TDRD9: variants seen among roughly 807,000 people sequenced by gnomAD.
The protein encoded by TDRD9 is tudor domain containing 9, also known as ATP-dependent RNA helicase TDRD9.
In TDRD9, 124 loss-of-function variants were observed where a neutral mutation model predicts 172.6. The ratio of observed to expected loss-of-function variants is 0.72; its 90% CI spans 0.62 to 0.83. The LOEUF is 0.83. TDRD9 is among the 40% of genes least tolerant of loss of function. The probability of loss-of-function intolerance (pLI) is 0.00; values close to 1 mark genes in which losing one functional copy is unlikely to be tolerated. For missense variants in TDRD9, 1,479 were observed against 1,714.1 expected (o/e 0.86, Z 2.42); for synonymous variants, 619 against 617.1 (o/e 1.00, Z -0.05).
chr14:104,007,190 C>A lies in TDRD9; in HGVS notation c.2038C>A (p.Leu680Met), dbSNP rs929833014. Residue 680 changes from leucine to methionine, a missense_variant, in exon 19 of 36, where the codon CTG (leucine) becomes ATG (methionine). Leu to Met is a conservative substitution (Grantham distance 15). This residue lies in a region of TDRD9 where 1,413 missense variants were observed against 1,649.1 expected (regional missense o/e 0.86). Transcript: ENST00000409874. The part of the protein sequence containing the change: ...TWKACRQTGE[L>M]RYPKDELNWG... ...GAAGGCTTGCAGACAGACAGGGGAG[C>A]TGCGGTACCCGAAGGTTGGTGAGCC... 1.9e-6 allele frequency: 3 copies of A among 1,613,786 alleles called. No individual in the cohort carries two copies. The highest frequency in any genetic ancestry group is 2.5e-6 in the Non-Finnish European group (3 of 1,179,846).
At chr14:103,993,451 TTCCAGGAC>T (rs1259456266) in intron 9 of TDRD9, among the ~76,000 whole-genome samples, 1 of 152,250 alleles carries the variant, frequency 6.6e-6, no homozygotes, top group Non-Finnish European at 1.5e-5. Context: ...TATAGTAGTT[TTCCAGGAC>T]TGCTGTAACA....
Position 104,008,070 on chromosome 14 carries a change from C to T in TDRD9, c.2053-343C>T, listed in dbSNP as rs1315394416. On this transcript the variant is annotated intron_variant, in intron 19 of 35. Transcript: ENST00000409874. ...GTGGGATTACAGGCGTGAACCACCG[C>T]GCCTGGCTTAAAGTCTTTTAAAGGC... 5.3e-5 allele frequency among the ~76,000 whole-genome samples: 8 copies of T among 152,090 alleles called. No individual in the cohort carries two copies. The South Asian group carries it at 6.2e-4, about 12-fold the overall frequency.
In TDRD9 at chr14:103,994,612, A is replaced by C; in HGVS notation, c.1320+9A>C. On this transcript the variant is annotated intron_variant, in intron 11 of 35. Coordinates refer to ENST00000409874, the MANE Select transcript of TDRD9 (RefSeq NM_153046.3). ...TCCCTGGGTACAGAAAGGTAGGAAAACTGGGAAGACAAGTTCTAAGCACTT... is the reference window on the plus strand; with the variant it reads ...TCCCTGGGTACAGAAAGGTAGGAAACCTGGGAAGACAAGTTCTAAGCACTT... The C allele has an allele frequency of 3.1e-6, 5 of 1,608,696 alleles. No homozygotes were observed. The highest frequency in any genetic ancestry group is 4.2e-6 in the Non-Finnish European group (5 of 1,176,538).
intron 2 of TDRD9, among the ~76,000 whole-genome samples, chr14:103,958,552 G>C (rs2032354362): frequency 1.3e-5 from 2 of 152,176 alleles, no homozygotes; most frequent in African/African-American, 4.8e-5. Context: ...TTCCAGGTGG[G>C]CCTAATGTCA....
At chr14:103,959,455 C>CGT (rs151216232) in intron 2 of TDRD9, among the ~76,000 whole-genome samples, 9,796 of 143,826 alleles carry the variant, frequency 0.068, 418 homozygotes, top group Middle Eastern at 0.13. Flanking sequence ...GTCAGGTTAT[C>CGT]GTGTGTGTGT....
At chr14:103,994,192 A>G in intron 9 of TDRD9, 140 bp from the exon 10 acceptor site, 1 of 718,400 alleles carries the variant, frequency 1.4e-6, no homozygotes. Context: ...TGTTTCTGGC[A>G]TATTTAGGCA....
intron 2 of TDRD9, among the ~76,000 whole-genome samples, chr14:103,959,455 C>CGTGTGTGTGTGTGTGTGTGT (rs151216232): frequency 1.4e-4 from 20 of 144,086 alleles, no homozygotes; most frequent in African/African-American, 3.4e-4. Context: ...GTCAGGTTAT[C>CGTGTGTGTGTGTGTGTGTGT]GTGTGTGTGT....
intron 19 of TDRD9, 79 bp downstream of exon 19, chr14:104,007,283 G>A (rs556535420): frequency 2.5e-5 from 35 of 1,397,808 alleles, no homozygotes; most frequent in South Asian, 1.5e-4. Context: ...CAGTCATAGC[G>A]TGTGAATCAT....
Position 103,928,516 on chromosome 14 carries a change from C to T in TDRD9, c.7C>T (p.Arg3Trp), listed in dbSNP as rs780118181. 2 of 1,424,188 alleles carry T rather than the reference C, an allele frequency of 1.4e-6. No homozygotes were observed. Among genetic ancestry groups the T allele is most frequent in the South Asian group, 1.3e-5 (1 of 74,324 alleles). The allele number at this position is 1,424,188 out of a possible 1,614,324, so 88.2% of individuals were successfully genotyped here. ...CGACGCCTGGGCCTTGAGGATGCTG[C>T]GGAAGCTCACCATCGAGCAGATCAA... The part of the protein sequence containing the change: ML[R>W]KLTIEQINDW... The change falls in exon 1 of 36, where the codon CGG becomes TGG. Residue 3 changes from arginine to tryptophan, a missense_variant. Physicochemically the swap from Arg to Trp is moderately radical, Grantham distance 101. Around this residue, in one of 3 missense-constraint regions of TDRD9, gnomAD observed 63 missense variants for 48.4 expected, o/e 1.30. Coordinates refer to ENST00000409874, the MANE Select transcript of TDRD9 (RefSeq NM_153046.3).
chr14:103,994,674 A>G, intron 11 of TDRD9, 71 bp downstream of exon 11: 1 of 1,317,712 alleles, frequency 7.6e-7, no homozygotes, highest in Non-Finnish European at 1.1e-6. Flanking sequence ...CTCATGAAAA[A>G]TATTTTCTGG....
At chr14:103,943,610 A>G (rs1457356728) in intron 1 of TDRD9, among the ~76,000 whole-genome samples, 1 of 151,684 alleles carries the variant, frequency 6.6e-6, no homozygotes, top group Non-Finnish European at 1.5e-5. Flanking sequence ...CAGCCTCCCA[A>G]AGTGCTGGGA....
In TDRD9 at chr14:103,962,953, T is replaced by C. The variant is rs896093095; in HGVS notation, c.323-126T>C. ...GCAGTTTTAGCCTGTAGAAAATGTA[T>C]TTTTGTATTTGAGTGTGTGTGTGTG... On this transcript the variant is annotated intron_variant, in intron 2 of 35. Coordinates refer to ENST00000409874, the MANE Select transcript of TDRD9 (RefSeq NM_153046.3). The C allele has an allele frequency of 1.0e-4, 56 of 543,468 alleles. No homozygotes were observed. In the African/African-American group the frequency reaches 1.2e-3, roughly 12 times the overall value. 33.7% of individuals were successfully genotyped at this position (543,468 alleles called of 1,614,324 possible).
intron 25 of TDRD9, among the ~76,000 whole-genome samples, chr14:104,025,152 T>C (rs1285527186): frequency 6.6e-6 from 1 of 152,152 alleles, no homozygotes; most frequent in East Asian, 1.9e-4. Flanking sequence ...CGGGTAATTT[T>C]TGTGCTTTTG....
chr14:104,022,058 G>A (rs1292027654), intron 23 of TDRD9, 99 bp from the exon 24 acceptor site: 3 of 876,054 alleles, frequency 3.4e-6, no homozygotes, highest in Non-Finnish European at 5.3e-6. Flanking sequence ...GGCATTTTGA[G>A]GAGAGATGTG....
intron 20 of TDRD9, among the ~76,000 whole-genome samples, chr14:104,012,216 G>T (rs2034635473): frequency 6.6e-6 from 1 of 152,110 alleles, no homozygotes; most frequent in African/African-American, 2.4e-5. Context: ...ATTCTAGCGT[G>T]AACTCTTTTG....
At chr14:103,988,192 A>C (rs116347687) in intron 8 of TDRD9, among the ~76,000 whole-genome samples, 14 of 135,694 alleles carry the variant, frequency 1.0e-4, no homozygotes, top group African/African-American at 3.8e-4. Flanking sequence ...TTTTTTTTTT[A>C]AAGATTGAGT....
intron 14 of TDRD9, 66 bp downstream of exon 14, chr14:104,004,401 G>T: frequency 1.1e-6 from 1 of 916,740 alleles, no homozygotes. Flanking sequence ...TTATTTATGA[G>T]ACGGAGTCTT....
chr14:103,950,712 G>T (rs905035827), intron 1 of TDRD9, among the ~76,000 whole-genome samples: 2 of 152,122 alleles, frequency 1.3e-5, no homozygotes, highest in African/African-American at 4.8e-5. Context: ...CTCATCAAAC[G>T]CTTAGCAAAA....
intron 23 of TDRD9, among the ~76,000 whole-genome samples, chr14:104,018,566 A>C (rs531465198): frequency 6.6e-6 from 1 of 152,198 alleles, no homozygotes; most frequent in South Asian, 2.1e-4. Context: ...AGGTGATCCA[A>C]AATAGAGTGT....
Sources: allele counts gnomAD v4.1 joint callset (sites outside exome capture counted in the v4.1 genomes callset), GRCh38; gene constraint gnomAD v4.1.1; regional missense constraint gnomAD v4.1.1; transcripts MANE v1.5; gene names NCBI Gene and HGNC (gene_info 2026-07-23, HGNC 2026-07-21).